Variants in RBFOX1 observed in about 807,000 individuals in gnomAD.
RBFOX1 encodes RNA binding fox-1 homolog 1.
RBFOX1 carries 8 observed loss-of-function variants against 57.7 expected under a neutral mutation model. That is an observed-to-expected ratio of 0.14 (90% CI 0.08 to 0.25). The LOEUF (loss-of-function observed/expected upper bound fraction) is 0.25, where lower values mean the gene tolerates loss of function less well. Ranked by LOEUF, RBFOX1 falls within the 10% of genes least tolerant of loss-of-function variation. The probability of loss-of-function intolerance (pLI) is 1.00; values close to 1 mark genes in which losing one functional copy is unlikely to be tolerated. For synonymous variants in RBFOX1, 326 were observed against 222.4 expected, an observed-to-expected ratio of 1.47 and a Z score of -4.15; for missense variants, 611 against 548.5, an observed-to-expected ratio of 1.11 and a Z score of -1.14.
chr16:6,731,589 C>A (rs12932056), intron 3 of RBFOX1, among the ~76,000 whole-genome samples: 1 of 151,768 alleles, frequency 6.6e-6, no homozygotes, highest in African/African-American at 2.4e-5. Flanking sequence ...ATTAATACTC[C>A]AGGGAATAGC....
intron 1 of RBFOX1, among the ~76,000 whole-genome samples, chr16:5,436,599 G>T (rs1462250768): frequency 6.6e-6 from 1 of 152,150 alleles, no homozygotes; most frequent in East Asian, 1.9e-4. Context: ...CTAGCAGTTT[G>T]GGAGGCTGAG....
chr16:7,123,816 A>T (rs1197732901), intron 4 of RBFOX1, among the ~76,000 whole-genome samples: 3 of 152,182 alleles, frequency 2.0e-5, no homozygotes, highest in Non-Finnish European at 4.4e-5. Context: ...TAGAATTTGC[A>T]ATATAAGAAG....
intron 10 of RBFOX1, among the ~76,000 whole-genome samples, chr16:7,622,561 CAA>C (rs1488018010): frequency 2.0e-5 from 3 of 151,552 alleles, no homozygotes; most frequent in Non-Finnish European, 4.4e-5. Flanking sequence ...GTGACTTTTC[CAA>C]AAAGTCTCAA....
chr16:7,510,347 T>C, intron 4 of RBFOX1: 1 of 985,064 alleles, frequency 1.0e-6, no homozygotes, highest in Non-Finnish European at 1.2e-6. Flanking sequence ...AATCTTTCAC[T>C]CAAAATTGCG....
intron 2 of RBFOX1, among the ~76,000 whole-genome samples, chr16:6,620,188 G>A (rs994276187): frequency 6.6e-6 from 1 of 152,090 alleles, no homozygotes; most frequent in Non-Finnish European, 1.5e-5. Flanking sequence ...AAATCAGTCA[G>A]AATTCACTCA....
At chr16:6,159,975 T>G (rs1335799156) in intron 1 of RBFOX1, among the ~76,000 whole-genome samples, 1 of 152,214 alleles carries the variant, frequency 6.6e-6, no homozygotes, top group Non-Finnish European at 1.5e-5. Context: ...TAAGGGAACC[T>G]GAGACTTACT....
At chr16:5,997,766 C>G (rs550877955) in intron 4 of RBFOX1, among the ~76,000 whole-genome samples, 13 of 152,340 alleles carry the variant, frequency 8.5e-5, no homozygotes, top group Non-Finnish European at 1.5e-4. Context: ...AAATCTCACT[C>G]AACTAGGAGA....
At chr16:5,324,137 G>A (rs987282046) in intron 1 of RBFOX1, among the ~76,000 whole-genome samples, 1 of 152,170 alleles carries the variant, frequency 6.6e-6, no homozygotes, top group African/African-American at 2.4e-5. Context: ...GGCTGGATCA[G>A]CAGCACGGGC....
At chr16:5,268,220 T>C (rs868609103) in intron 1 of RBFOX1, among the ~76,000 whole-genome samples, 8 of 152,202 alleles carry the variant, frequency 5.3e-5, no homozygotes, top group Admixed American at 1.3e-4. Flanking sequence ...AACACTTTTT[T>C]CTTTACCCAT....
intron 4 of RBFOX1, among the ~76,000 whole-genome samples, chr16:7,311,466 G>C (rs970258486): frequency 7.1e-6 from 1 of 141,016 alleles, no homozygotes; most frequent in Non-Finnish European, 1.5e-5. Flanking sequence ...GTTTAGTCTT[G>C]ATGAGCCTTT....
At chr16:6,124,497 G>C (rs2096574679) in intron 1 of RBFOX1, among the ~76,000 whole-genome samples, 1 of 151,934 alleles carries the variant, frequency 6.6e-6, no homozygotes, top group Admixed American at 6.6e-5. Context: ...GCCCATTGTT[G>C]CCTAACTCAA....
chr16:6,802,395 G>A (rs1457841190), intron 3 of RBFOX1, among the ~76,000 whole-genome samples: 1 of 152,108 alleles, frequency 6.6e-6, no homozygotes, highest in Non-Finnish European at 1.5e-5. Context: ...TCCATGTTAT[G>A]GCCTGGCGCA....
rs542096957 is a variant in RBFOX1, at chr16:6,429,178, T to C, written c.-64+112121T>C. 2.1e-3 allele frequency among the ~76,000 whole-genome samples: 323 copies of C among 152,350 alleles called. 2 individuals are homozygous for C. Among genetic ancestry groups the C allele is most frequent in the African/African-American group, 7.5e-3 (312 of 41,588 alleles). On this transcript the variant is annotated intron_variant, in intron 2 of 15. Coordinates refer to ENST00000550418, the MANE Select transcript of RBFOX1 (RefSeq NM_018723.4). ...GCTGTGATTGGTGCTGGATTTTAAT[T>C]ATCATCAAGCAAGTTCCAAATGTTT...
At chr16:6,829,006 C>T (rs147472811) in intron 3 of RBFOX1, among the ~76,000 whole-genome samples, 2 of 152,166 alleles carry the variant, frequency 1.3e-5, no homozygotes, top group East Asian at 3.9e-4. Context: ...TCCACTGTTG[C>T]CTGACTCATC....
chr16:6,711,045 G>T (rs949664814), intron 3 of RBFOX1, among the ~76,000 whole-genome samples: 6 of 152,204 alleles, frequency 3.9e-5, no homozygotes, highest in African/African-American at 9.6e-5. Flanking sequence ...CTTAAAGGTT[G>T]TGGTAAGGAT....
At chr16:5,661,961 A>AT (rs890021618) in intron 3 of RBFOX1, among the ~76,000 whole-genome samples, 3 of 151,674 alleles carry the variant, frequency 2.0e-5, no homozygotes, top group African/African-American at 4.8e-5. Context: ...AATTTTTTGT[A>AT]TTTTTTTAGT....
At chr16:6,602,522 A>T (rs924276793) in intron 2 of RBFOX1, among the ~76,000 whole-genome samples, 3 of 152,128 alleles carry the variant, frequency 2.0e-5, no homozygotes, top group Admixed American at 1.3e-4. Flanking sequence ...GACCTCCAAG[A>T]GGTCTTGATG....
chr16:7,158,112 G>C (rs756914297), intron 4 of RBFOX1, among the ~76,000 whole-genome samples: 2 of 152,070 alleles, frequency 1.3e-5, no homozygotes, highest in Non-Finnish European at 2.9e-5. Flanking sequence ...ATTTTGGGAG[G>C]ACAAGGTGGG....
At chr16:6,554,163 C>G (rs893273025) in intron 2 of RBFOX1, among the ~76,000 whole-genome samples, 1 of 152,178 alleles carries the variant, frequency 6.6e-6, no homozygotes, top group Non-Finnish European at 1.5e-5. Flanking sequence ...AAGAAACCAT[C>G]TTACATATGT....
Sources: allele counts gnomAD v4.1 joint callset (sites outside exome capture counted in the v4.1 genomes callset), GRCh38; gene constraint gnomAD v4.1.1; transcripts MANE v1.5; gene names NCBI Gene and HGNC (gene_info 2026-07-23, HGNC 2026-07-21).